The following TSHZ2 variants were observed in gnomAD, a reference collection of about 807,000 sequenced individuals.
TSHZ2 encodes the protein teashirt zinc finger homeobox 2.
A neutral mutation model predicts 74.4 loss-of-function variants in TSHZ2; 21 were observed. The ratio of observed to expected loss-of-function variants is 0.28; its 90% CI spans 0.20 to 0.41. The LOEUF is 0.41. Among genes scored for constraint, TSHZ2 ranks in the 10% least tolerant of loss-of-function variants. The pLI, the probability that TSHZ2 is intolerant of heterozygous loss-of-function variation, is 1.00. For missense variants in TSHZ2, 1,244 were observed against 1,293.5 expected (o/e 0.96, Z 0.59); for synonymous variants, 540 against 515.3 (o/e 1.05, Z -0.65).
chr20:53,035,503 C>T (rs1983784748), intron 1 of TSHZ2, among the ~76,000 whole-genome samples: 1 of 152,172 alleles, frequency 6.6e-6, no homozygotes, highest in Non-Finnish European at 1.5e-5. Context: ...CAAACCAGTA[C>T]ACACCAGATG....
At chr20:53,384,409 C>T (rs1372149164) in intron 2 of TSHZ2, among the ~76,000 whole-genome samples, 2 of 152,172 alleles carry the variant, frequency 1.3e-5, no homozygotes, top group East Asian at 3.8e-4. Flanking sequence ...AATTAAGATC[C>T]GAATACAGCA....
In TSHZ2 at chr20:53,069,071, A is replaced by G. The variant is rs142031903; in HGVS notation, c.40+95738A>G. On this transcript the variant is annotated intron_variant, in intron 1 of 2. Coordinates refer to ENST00000371497, the MANE Select transcript of TSHZ2 (RefSeq NM_173485.6). ...AGGAGCCATTTTATCTGATTTTGTT[A>G]TTATTTAACCACTGCACAAACGAGA... Among the ~76,000 whole-genome samples the G allele has an allele frequency of 1.2e-4, 19 of 152,290 alleles. No homozygotes were observed. In the East Asian group the frequency reaches 3.5e-3, roughly 28 times the overall value.
intron 1 of TSHZ2, among the ~76,000 whole-genome samples, chr20:52,992,307 T>C (rs1048011654): frequency 6.6e-6 from 1 of 152,204 alleles, no homozygotes; most frequent in Non-Finnish European, 1.5e-5. Context: ...GCCTTTGGAA[T>C]ATTTAGATAC....
chr20:53,006,180 A>G (rs1025087097), intron 1 of TSHZ2, among the ~76,000 whole-genome samples: 1 of 152,240 alleles, frequency 6.6e-6, no homozygotes, highest in Non-Finnish European at 1.5e-5. Flanking sequence ...ATCTGTTCCC[A>G]GACAGACTCA....
chr20:52,977,421 TACACACACACACACAC>T (rs36230826), intron 1 of TSHZ2, among the ~76,000 whole-genome samples: 13,105 of 141,460 alleles, frequency 0.093, 674 homozygotes, highest in South Asian at 0.15. Flanking sequence ...AATGGAAAAA[TACACACACACACACAC>T]ACACACACAC....
At chr20:53,063,812 T>A (rs1374607939) in intron 1 of TSHZ2, among the ~76,000 whole-genome samples, 1 of 152,200 alleles carries the variant, frequency 6.6e-6, no homozygotes, top group Non-Finnish European at 1.5e-5. Flanking sequence ...TAAAATAGAT[T>A]GCACTTAGAG....
chr20:53,472,198 A>T (rs887708093), intron 2 of TSHZ2, among the ~76,000 whole-genome samples: 1 of 152,200 alleles, frequency 6.6e-6, no homozygotes, highest in African/African-American at 2.4e-5. Flanking sequence ...AAGTTATCAG[A>T]AGGACACCAA....
chr20:53,353,170 AG>A (rs1980718033), intron 2 of TSHZ2, among the ~76,000 whole-genome samples: 1 of 152,162 alleles, frequency 6.6e-6, no homozygotes, highest in Non-Finnish European at 1.5e-5. Flanking sequence ...TCAGTTAAGG[AG>A]GGGTTTAAGG....
At chr20:53,469,203 G>A (rs1985677676) in intron 2 of TSHZ2, among the ~76,000 whole-genome samples, 1 of 150,768 alleles carries the variant, frequency 6.6e-6, no homozygotes, top group African/African-American at 2.4e-5. Context: ...TACCTTGTTG[G>A]ATTGTTTTAA....
chr20:53,197,302 G>C (rs757246154), intron 1 of TSHZ2, among the ~76,000 whole-genome samples: 1 of 152,168 alleles, frequency 6.6e-6, no homozygotes, highest in Non-Finnish European at 1.5e-5. Flanking sequence ...ATGGAATTAT[G>C]ATCTTTTAAT....
intron 2 of TSHZ2, among the ~76,000 whole-genome samples, chr20:53,486,356 G>T (rs1986289697): frequency 6.6e-6 from 1 of 152,104 alleles, no homozygotes; most frequent in Non-Finnish European, 1.5e-5. Context: ...ATGAACACGG[G>T]TGTTCAAATA....
chr20:53,073,523 T>C (rs537906886), intron 1 of TSHZ2, among the ~76,000 whole-genome samples: 1 of 152,378 alleles, frequency 6.6e-6, no homozygotes, highest in Non-Finnish European at 1.5e-5. Flanking sequence ...AACTGAAGGT[T>C]AGAGTAATTT....
At chr20:52,974,518 C>T (rs1264539768) in intron 1 of TSHZ2, among the ~76,000 whole-genome samples, 1 of 124,500 alleles carries the variant, frequency 8.0e-6, no homozygotes, top group African/African-American at 3.4e-5. Context: ...GTTTTTTCCT[C>T]TCTCTCTGTC....
chr20:53,163,568 G>A (rs530230998), intron 1 of TSHZ2, among the ~76,000 whole-genome samples: 41 of 151,920 alleles, frequency 2.7e-4, no homozygotes, highest in South Asian at 1.7e-3. Context: ...GTGTCATCTA[G>A]CATTAGGTAT....
intron 1 of TSHZ2, among the ~76,000 whole-genome samples, chr20:53,216,567 C>T (rs751757461): frequency 2.6e-5 from 4 of 152,232 alleles, no homozygotes; most frequent in Non-Finnish European, 5.9e-5. Context: ...CAGCCAGGAA[C>T]ATTTTCTGGT....
intron 2 of TSHZ2, among the ~76,000 whole-genome samples, chr20:53,353,220 C>T (rs1980721834): frequency 6.6e-6 from 1 of 152,090 alleles, no homozygotes; most frequent in African/African-American, 2.4e-5. Flanking sequence ...GAAGATTTCC[C>T]CTGAGGCTGT....
intron 2 of TSHZ2, among the ~76,000 whole-genome samples, chr20:53,331,658 C>T (rs1366244401): frequency 1.3e-5 from 2 of 152,142 alleles, no homozygotes; most frequent in Admixed American, 6.5e-5. Context: ...GTCCCTCAGC[C>T]AGATGATGAA....
At chr20:53,269,680 A>G (rs1485083699) in intron 2 of TSHZ2, among the ~76,000 whole-genome samples, 1 of 152,208 alleles carries the variant, frequency 6.6e-6, no homozygotes, top group East Asian at 1.9e-4. Context: ...CACAGTATCC[A>G]TTATCAGAAA....
At chr20:53,158,745 G>A (rs183869645) in intron 1 of TSHZ2, among the ~76,000 whole-genome samples, 1 of 152,084 alleles carries the variant, frequency 6.6e-6, no homozygotes, top group South Asian at 2.1e-4. Context: ...CCCCAACCAT[G>A]GAGGGACAAG....
Sources: gnomAD v4.1 joint callset for allele counts (sites outside exome capture counted in the v4.1 genomes callset) on GRCh38, gnomAD v4.1.1 for gene constraint, MANE v1.5 for transcripts, NCBI Gene and HGNC (gene_info 2026-07-23, HGNC 2026-07-21) for gene names.